Variants in APP observed in about 807,000 individuals in gnomAD.
APP encodes amyloid beta precursor protein.
In APP, 31 loss-of-function variants were observed where a neutral mutation model predicts 101.4. The observed-to-expected ratio is 0.31, with a 90% CI of 0.23 to 0.41. APP has a LOEUF of 0.41. Among genes scored for constraint, APP ranks in the 10% least tolerant of loss-of-function variants. APP has a pLI of 1.00. For missense variants in APP, 839 were observed against 1,003.7 expected, an observed-to-expected ratio of 0.84 and a Z score of 2.22; for synonymous variants, 366 against 364.4, an observed-to-expected ratio of 1.00 and a Z score of -0.05.
intron 11 of APP, among the ~76,000 whole-genome samples, chr21:25,973,923 G>C (rs2042128601): frequency 7.1e-6 from 1 of 140,054 alleles, no homozygotes; most frequent in Non-Finnish European, 1.5e-5. Context: ...CTGGGTGACA[G>C]AGTGAGACTC....
intron 1 of APP, among the ~76,000 whole-genome samples, chr21:26,146,557 A>G (rs467094): frequency 0.033 from 5,068 of 152,212 alleles, 219 homozygotes; most frequent in East Asian, 0.2. Flanking sequence ...CCACACTGAA[A>G]TATTTATACA....
At chr21:26,148,479 G>T (rs2063198743) in intron 1 of APP, among the ~76,000 whole-genome samples, 1 of 152,232 alleles carries the variant, frequency 6.6e-6, no homozygotes, top group Non-Finnish European at 1.5e-5. Flanking sequence ...CCAAGGAAAT[G>T]AGGCTCATTT....
intron 15 of APP, among the ~76,000 whole-genome samples, chr21:25,902,445 G>A (rs1392906974): frequency 6.8e-6 from 1 of 146,232 alleles, no homozygotes; most frequent in African/African-American, 2.5e-5. Context: ...TAATACATGT[G>A]CAGTAAATAC....
At chr21:26,081,745 T>C (rs888950481) in intron 3 of APP, among the ~76,000 whole-genome samples, 1 of 152,224 alleles carries the variant, frequency 6.6e-6, no homozygotes, top group Non-Finnish European at 1.5e-5. Flanking sequence ...AGTTTTTATG[T>C]TTCTCCTTAA....
At chr21:26,077,766 CAGG>C (rs913082712) in intron 3 of APP, among the ~76,000 whole-genome samples, 29 of 124,056 alleles carry the variant, frequency 2.3e-4, no homozygotes, top group Middle Eastern at 6.3e-3. Context: ...GACTCACTGA[CAGG>C]AGAAGGAAAA....
intron 5 of APP, among the ~76,000 whole-genome samples, chr21:26,046,416 A>AAAAAAG (rs1226368579): frequency 2.0e-5 from 3 of 151,966 alleles, no homozygotes; most frequent in Non-Finnish European, 2.9e-5. Flanking sequence ...CATCTTAAAA[A>AAAAAAG]AAAAAGAAAA....
At chr21:26,103,204 T>C (rs2062102607) in intron 2 of APP, among the ~76,000 whole-genome samples, 1 of 152,240 alleles carries the variant, frequency 6.6e-6, no homozygotes, top group Admixed American at 6.5e-5. Context: ...ATGACTTTAC[T>C]ATTGAATTAT....
intron 3 of APP, among the ~76,000 whole-genome samples, chr21:26,078,716 C>T (rs376355755): frequency 2.2e-4 from 33 of 152,152 alleles, no homozygotes; most frequent in African/African-American, 6.3e-4. Flanking sequence ...CTACAGCTGT[C>T]TGGAAAGTTA....
rs895059271 is a variant in APP at position 26,137,471 on chromosome 21, A to T, written c.58-25325T>A. ...GTGTTATAATTTCAAGTTGTCTTTT[A>T]AGTATGAGATAACTTTCATTGTTAC... On this transcript the variant is annotated intron_variant, in intron 1 of 17. Transcript: ENST00000346798. Among the ~76,000 whole-genome samples the T allele has an allele frequency of 2.0e-5, 3 of 152,170 alleles. No homozygotes were observed. In the South Asian group the frequency reaches 6.2e-4, roughly 32 times the overall value.
chr21:26,003,136 A>G (rs749489244), intron 6 of APP, among the ~76,000 whole-genome samples: 32 of 152,254 alleles, frequency 2.1e-4, no homozygotes, highest in Admixed American at 3.9e-4. Context: ...GCCTCATTCT[A>G]TAACAGCTAT....
At chr21:26,050,569 A>C (rs1042607706) in intron 5 of APP, among the ~76,000 whole-genome samples, 5 of 152,276 alleles carry the variant, frequency 3.3e-5, no homozygotes, top group African/African-American at 1.2e-4. Flanking sequence ...CCAAAAAAAA[A>C]CCCTTACACA....
At chr21:26,039,943 G>A (rs1191624401) in intron 5 of APP, among the ~76,000 whole-genome samples, 2 of 152,150 alleles carry the variant, frequency 1.3e-5, no homozygotes, top group Non-Finnish European at 2.9e-5. Context: ...TTTACAGATT[G>A]AGTAATCCTT....
At chr21:26,133,759 G>C (rs868107425) in intron 1 of APP, among the ~76,000 whole-genome samples, 2 of 152,152 alleles carry the variant, frequency 1.3e-5, no homozygotes, top group African/African-American at 4.8e-5. Flanking sequence ...GCGACAGAGC[G>C]AGACTCTGTC....
chr21:26,133,620 A>G (rs560301983), intron 1 of APP, among the ~76,000 whole-genome samples: 1 of 152,252 alleles, frequency 6.6e-6, no homozygotes, highest in South Asian at 2.1e-4. Context: ...CCTCATCTCT[A>G]CTAAAAATAC....
intron 8 of APP, among the ~76,000 whole-genome samples, chr21:25,991,015 T>C (rs1280876304): frequency 6.6e-6 from 1 of 152,176 alleles, no homozygotes; most frequent in Non-Finnish European, 1.5e-5. Flanking sequence ...AAAAGTCTTT[T>C]GCAGCAACTT....
chr21:26,010,290 T>C (rs779481785), intron 6 of APP, among the ~76,000 whole-genome samples: 3 of 152,026 alleles, frequency 2.0e-5, no homozygotes, highest in Non-Finnish European at 2.9e-5. Context: ...CAAATATGCA[T>C]ACGCAATGTT....
At chr21:25,910,197 G>A (rs2038997922) in intron 14 of APP, among the ~76,000 whole-genome samples, 1 of 68 alleles carries the variant, frequency 0.015, no homozygotes, top group South Asian at 0.17. Flanking sequence ...TGTGATCTCA[G>A]CTCACTGGCC....
chr21:26,060,559 C>T (rs2046231390), intron 3 of APP, among the ~76,000 whole-genome samples: 1 of 152,052 alleles, frequency 6.6e-6, no homozygotes, highest in South Asian at 2.1e-4. Flanking sequence ...ATAAAAAATA[C>T]AGATAAAAAT....
intron 2 of APP, among the ~76,000 whole-genome samples, chr21:26,094,304 G>A (rs1048231935): frequency 1.3e-5 from 2 of 151,906 alleles, no homozygotes; most frequent in Non-Finnish European, 2.9e-5. Context: ...TTATTTAAGG[G>A]GGAGAACATT....
Sources: gnomAD v4.1 joint callset for allele counts (sites outside exome capture counted in the v4.1 genomes callset) on GRCh38, gnomAD v4.1.1 for gene constraint, MANE v1.5 for transcripts, NCBI Gene and HGNC (gene_info 2026-07-23, HGNC 2026-07-21) for gene names.